MTREX: variants seen among roughly 807,000 people sequenced by gnomAD.
MTREX encodes exosome RNA helicase MTR4.
In MTREX, 76 loss-of-function variants were observed where a neutral mutation model predicts 135.4. The observed-to-expected ratio is 0.56, with a 90% CI of 0.47 to 0.68. MTREX has a LOEUF of 0.68. MTREX is among the 30% of genes least tolerant of loss of function. The probability of loss-of-function intolerance (pLI) is 0.00; values close to 1 mark genes in which losing one functional copy is unlikely to be tolerated. For synonymous variants in MTREX, 404 were observed against 401.6 expected (o/e 1.01, Z -0.07); for missense variants, 920 against 1,262.1 (o/e 0.73, Z 4.11).
chr5:55,377,343 A>C (rs1203728469), intron 16 of MTREX, among the ~76,000 whole-genome samples: 1 of 152,186 alleles, frequency 6.6e-6, no homozygotes, highest in African/African-American at 2.4e-5. Context: ...AAAAGAAGAA[A>C]AAAGGCTATG....
chr5:55,339,812 G>A (rs1200266759), intron 5 of MTREX, among the ~76,000 whole-genome samples, 198 bp from the exon 6 acceptor site: 7 of 152,120 alleles, frequency 4.6e-5, no homozygotes, highest in African/African-American at 7.2e-5. Flanking sequence ...CTGAGTGACC[G>A]GAGTTAAAAT....
chr5:55,345,580 G>T (rs1292916812), intron 10 of MTREX, among the ~76,000 whole-genome samples: 2 of 151,620 alleles, frequency 1.3e-5, no homozygotes, highest in African/African-American at 4.8e-5. Flanking sequence ...CGATCTCTGT[G>T]GCTTTCCCTT....
Position 55,374,544 on chromosome 5 carries a change from C to A in MTREX, c.1811-3770C>A, listed in dbSNP as rs1750262999. On this transcript the variant is annotated intron_variant, in intron 16 of 26. Transcript: ENST00000230640. ...GAAGGTATCCTGCTCCTGCCTCAGC[C>A]TCCCAAGAGTGTTGGGATTATGGGT... Among the ~76,000 whole-genome samples the A allele has an allele frequency of 2.6e-5, 4 of 151,972 alleles. 1 individual carries two copies. In the South Asian group the frequency reaches 8.3e-4, roughly 32 times the overall value.
intron 1 of MTREX, among the ~76,000 whole-genome samples, chr5:55,316,406 C>T (rs1168274461): frequency 1.3e-5 from 2 of 152,152 alleles, no homozygotes; most frequent in Non-Finnish European, 2.9e-5. Context: ...CAAACCAAAT[C>T]CAGCAGCACA....
At chr5:55,412,458 A>G (rs1284827213) in intron 23 of MTREX, among the ~76,000 whole-genome samples, 1 of 152,238 alleles carries the variant, frequency 6.6e-6, no homozygotes, top group African/African-American at 2.4e-5. Flanking sequence ...TGCAGCAGAA[A>G]TGTTTGCTTT....
At chr5:55,353,117 G>GA in intron 13 of MTREX, 51 bp from the exon 14 acceptor site, 1 of 1,284,726 alleles carries the variant, frequency 7.8e-7, no homozygotes, top group Non-Finnish European at 1.1e-6. Context: ...TATAAAACCA[G>GA]ATTTTCAGCT....
intron 18 of MTREX, among the ~76,000 whole-genome samples, chr5:55,385,316 A>T (rs1189261764): frequency 6.6e-6 from 1 of 152,110 alleles, no homozygotes; most frequent in Admixed American, 6.5e-5. Context: ...CCTTTTTCTC[A>T]GGAGCACCAC....
intron 16 of MTREX, among the ~76,000 whole-genome samples, chr5:55,368,051 G>A (rs2112087826): frequency 6.6e-6 from 1 of 152,270 alleles, no homozygotes; most frequent in East Asian, 1.9e-4. Flanking sequence ...AATGATACTG[G>A]TAATGATAAT....
intron 19 of MTREX, among the ~76,000 whole-genome samples, chr5:55,392,251 G>T (rs1044698140): frequency 6.6e-6 from 1 of 151,976 alleles, no homozygotes; most frequent in East Asian, 1.9e-4. Context: ...CAATCATTAA[G>T]TTCTCCTGTC....
intron 2 of MTREX, among the ~76,000 whole-genome samples, chr5:55,323,439 T>G (rs1383707049): frequency 1.3e-5 from 2 of 152,114 alleles, no homozygotes; most frequent in Non-Finnish European, 2.9e-5. Flanking sequence ...TTTTTTTTTT[T>G]GAGACATTGT....
chr5:55,359,968 A>C (rs1749981708), intron 15 of MTREX, among the ~76,000 whole-genome samples: 1 of 152,140 alleles, frequency 6.6e-6, no homozygotes. Flanking sequence ...CATACCATAC[A>C]AGTCACTCAT....
At chr5:55,378,582 C>G (rs1023504422) in intron 17 of MTREX, 96 bp downstream of exon 17, 10 of 1,278,422 alleles carry the variant, frequency 7.8e-6, no homozygotes, top group Non-Finnish European at 1.1e-5. Context: ...TGATAAAATG[C>G]TTCCTGCTAC....
chr5:55,418,457 G>A (rs1186660095), intron 25 of MTREX, among the ~76,000 whole-genome samples: 2 of 147,422 alleles, frequency 1.4e-5, no homozygotes, highest in African/African-American at 5.1e-5. Context: ...CCACCTATGA[G>A]TTGACTTTTT....
chr5:55,380,004 C>T (rs566360601), intron 18 of MTREX, among the ~76,000 whole-genome samples: 56 of 152,248 alleles, frequency 3.7e-4, no homozygotes, highest in Non-Finnish European at 7.2e-4. Flanking sequence ...GGCACGATCT[C>T]GGCTCACTGC....
chr5:55,347,098 T>C lies in MTREX; in HGVS notation c.1194T>C (p.Asp398=), dbSNP rs745451079. Residue 398 remains aspartate (D), a synonymous_variant, in exon 11 of 27, where the codon GAT becomes GAC. Transcript: ENST00000230640. ...TTATTTTCAGTTTTAGTAAGAAAGA[T>C]TGTGAAGCCTATGCACTTCAAATGA... The part of the protein sequence containing the change: ...PVIIFSFSKK[D]CEAYALQMTK... 6.8e-6 allele frequency: 11 copies of C among 1,608,904 alleles called. No homozygotes were observed. Among genetic ancestry groups the C allele is most frequent in the East Asian group, 2.2e-5 (1 of 44,606 alleles).
At chr5:55,352,489 G>C (rs1276208431) in intron 13 of MTREX, among the ~76,000 whole-genome samples, 1 of 152,008 alleles carries the variant, frequency 6.6e-6, no homozygotes, top group Non-Finnish European at 1.5e-5. Flanking sequence ...TCACTTGCCA[G>C]AAATATCTAC....
At chr5:55,327,122 A>G (rs1254984539) in intron 3 of MTREX, among the ~76,000 whole-genome samples, 2 of 152,172 alleles carry the variant, frequency 1.3e-5, no homozygotes, top group Non-Finnish European at 2.9e-5. Flanking sequence ...GTTGGTTCCA[A>G]GTCTTTGCTA....
intron 15 of MTREX, among the ~76,000 whole-genome samples, chr5:55,364,541 G>C (rs1301257067): frequency 6.6e-6 from 1 of 152,196 alleles, no homozygotes; most frequent in Non-Finnish European, 1.5e-5. Context: ...TTGCTGAGTA[G>C]GGTAGTATGT....
rs533947516 is a variant in MTREX, at chr5:55,335,699, T to C, written c.516-4311T>C. On this transcript the variant is annotated intron_variant, in intron 5 of 26. Transcript: ENST00000230640. ...AAGTATTGATACTAGGTAATGAGAA[T>C]CTTCTAACTTCATTATTTTTAAAAA... is the stretch of plus-strand genomic sequence containing the variant. Among the ~76,000 whole-genome samples the C allele has an allele frequency of 1.1e-4, 16 of 152,220 alleles. 1 individual carries two copies. In the South Asian group the frequency reaches 3.3e-3, roughly 32 times the overall value.
Sources: allele counts gnomAD v4.1 joint callset (sites outside exome capture counted in the v4.1 genomes callset), GRCh38; gene constraint gnomAD v4.1.1; transcripts MANE v1.5; gene names NCBI Gene and HGNC (gene_info 2026-07-23, HGNC 2026-07-21).